Variants in IL34 observed in about 807,000 individuals in gnomAD.
The protein encoded by IL34 is interleukin-34.
Under a neutral mutation model 25.3 loss-of-function variants are expected in IL34, and 17 were observed. That is an observed-to-expected ratio of 0.67 (90% CI 0.46 to 1.01). The LOEUF (loss-of-function observed/expected upper bound fraction) is 1.01. Among genes scored for constraint, IL34 ranks in the 50% least tolerant of loss-of-function variants. IL34 has a pLI of 0.00. For missense variants in IL34, 368 were observed against 312.9 expected, an observed-to-expected ratio of 1.18 and a Z score of -1.33; for synonymous variants, 174 against 140.9, an observed-to-expected ratio of 1.23 and a Z score of -1.66.
At chr16:70,654,741 C>T (rs2052171381) in intron 2 of IL34, 70 bp downstream of exon 2, 4 of 1,513,500 alleles carry the variant, frequency 2.6e-6, no homozygotes, top group East Asian at 4.6e-5. Flanking sequence ...GGCCTCTGGA[C>T]ATTCAGAGCC....
chr16:70,646,578 G>A lies in IL34; in HGVS notation c.-370G>A, dbSNP rs912307520. On this transcript the variant is annotated 5_prime_UTR_variant, in exon 1 of 6. Coordinates refer to ENST00000288098, the MANE Select transcript of IL34 (RefSeq NM_001393494.1). ...GATTTCACACTGAGCAGCTGCAGTC[G>A]GAGAAATCAGAGAAAGCGTCACCCA... is the stretch of plus-strand genomic sequence containing the variant. 7 of 289,974 alleles carry A rather than the reference G, an allele frequency of 2.4e-5. No individual in the cohort carries two copies. Among genetic ancestry groups the A allele is most frequent in the East Asian group, 1.3e-4 (2 of 15,216 alleles). 18.0% of individuals were successfully genotyped at this position (289,974 alleles called of 1,614,324 possible).
intron 1 of IL34, among the ~76,000 whole-genome samples, chr16:70,610,427 G>A (rs2051074067): frequency 6.6e-6 from 1 of 152,194 alleles, no homozygotes; most frequent in Non-Finnish European, 1.5e-5. Context: ...CATGTGTCCA[G>A]TTCATTCACT....
chr16:70,642,519 A>C (rs1319733471), upstream of IL34, among the ~76,000 whole-genome samples: 1 of 151,880 alleles, frequency 6.6e-6, no homozygotes, highest in South Asian at 2.1e-4. Flanking sequence ...GCTTGTCTTG[A>C]ACTCCTTACC....
chr16:70,638,156 C>T (rs1466964881), intron 1 of IL34, among the ~76,000 whole-genome samples: 2 of 152,176 alleles, frequency 1.3e-5, no homozygotes, highest in Admixed American at 6.5e-5. Flanking sequence ...CTGCTTCCAA[C>T]CAGAGGGAGC....
At chr16:70,603,284 T>TTATTATTTTTGA (rs1392668590) in intron 1 of IL34, among the ~76,000 whole-genome samples, 1 of 151,002 alleles carries the variant, frequency 6.6e-6, no homozygotes, top group East Asian at 2.0e-4. Flanking sequence ...TTTTTATTTG[T>TTATTATTTTTGA]TATTATTTTT....
chr16:70,656,767 T>C (rs942517080), intron 3 of IL34, 88 bp downstream of exon 3: 1 of 941,942 alleles, frequency 1.1e-6, no homozygotes, highest in South Asian at 1.3e-5. Context: ...GACTGGCAGG[T>C]GGTGCTGCTG....
chr16:70,645,043 C>T (rs549565318), upstream of IL34, among the ~76,000 whole-genome samples: 79 of 112,610 alleles, frequency 7.0e-4, no homozygotes, highest in South Asian at 6.9e-3. Flanking sequence ...GGAAGGAGGA[C>T]GAGGAAGGAG....
At chr16:70,604,644 C>T (rs1399001664) in intron 1 of IL34, among the ~76,000 whole-genome samples, 1 of 152,210 alleles carries the variant, frequency 6.6e-6, no homozygotes, top group Non-Finnish European at 1.5e-5. Context: ...TGGTTCAGCC[C>T]AATCCCTGGC....
chr16:70,645,363 TGAA>T (rs1045802479), upstream of IL34, among the ~76,000 whole-genome samples: 2 of 152,092 alleles, frequency 1.3e-5, no homozygotes, highest in African/African-American at 4.8e-5. Context: ...GATCACACAA[TGAA>T]GAAGATGCCC....
upstream of IL34, among the ~76,000 whole-genome samples, chr16:70,642,983 T>C (rs1227213171): frequency 6.6e-6 from 1 of 152,232 alleles, no homozygotes; most frequent in Admixed American, 6.5e-5. Context: ...GAAAATGTTC[T>C]GTAATTAAAT....
chr16:70,611,529 C>T (rs554123103), intron 1 of IL34, among the ~76,000 whole-genome samples: 1 of 152,256 alleles, frequency 6.6e-6, no homozygotes, highest in Non-Finnish European at 1.5e-5. Flanking sequence ...TGGCTCACAC[C>T]TGTAATCCCA....
intron 1 of IL34, among the ~76,000 whole-genome samples, chr16:70,636,060 A>T (rs192167801): frequency 6.7e-6 from 1 of 148,644 alleles, no homozygotes; most frequent in Admixed American, 6.7e-5. Context: ...TTTATTTTTG[A>T]GACAGTCTCG....
intron 1 of IL34, among the ~76,000 whole-genome samples, chr16:70,614,860 G>C (rs2051149379): frequency 6.6e-6 from 1 of 152,190 alleles, no homozygotes; most frequent in Admixed American, 6.5e-5. Flanking sequence ...GATCTTGTAG[G>C]TCTTGCCCAA....
intron 1 of IL34, among the ~76,000 whole-genome samples, chr16:70,621,737 C>A (rs1192542298): frequency 2.0e-5 from 3 of 151,854 alleles, no homozygotes; most frequent in African/African-American, 4.8e-5. Flanking sequence ...AGGGTGGGGC[C>A]GTTTTATAGG....
Position 70,659,666 on chromosome 16 carries a change from G to A in IL34, c.451G>A (p.Ala151Thr), listed in dbSNP as rs201108464. The A allele has an allele frequency of 6.4e-5, 104 of 1,612,960 alleles. No individual in the cohort carries two copies. The highest frequency in any genetic ancestry group is 7.6e-5 in the Non-Finnish European group (90 of 1,179,562). ...KVESVLSLLN[A>T]PGPNLKLVRP... is the part of the protein sequence containing the mutation. ...GGAATCCGTGTTGTCCCTCTTGAAT[G>A]CCCCAGGGCCAAACCTGAAGCTGGT... is the stretch of plus-strand genomic sequence containing the variant. Residue 151 changes from alanine (A) to threonine (T), a missense_variant, in exon 5 of 6, where the codon GCC becomes ACC. Ala to Thr is a moderately conservative substitution (Grantham distance 58). Transcript: ENST00000288098.
chr16:70,634,025 A>T (rs890433946), intron 1 of IL34, among the ~76,000 whole-genome samples: 1 of 151,758 alleles, frequency 6.6e-6, no homozygotes, highest in Non-Finnish European at 1.5e-5. Context: ...TAATTTTTGT[A>T]TTTTTAGTAG....
intron 1 of IL34, among the ~76,000 whole-genome samples, chr16:70,607,480 C>T (rs954178060): frequency 6.6e-6 from 1 of 152,194 alleles, no homozygotes; most frequent in Admixed American, 6.5e-5. Context: ...ATGCATCCCT[C>T]CCCCTTTTTC....
intron 1 of IL34, among the ~76,000 whole-genome samples, chr16:70,637,694 A>G (rs2051687422): frequency 6.6e-6 from 1 of 152,178 alleles, no homozygotes; most frequent in Non-Finnish European, 1.5e-5. Context: ...TTAATTTTTT[A>G]TATACATATA....
At position 70,627,933 on chromosome 16, in the gene IL34, G is replaced by T. The variant is rs534605010; in HGVS notation, c.-400-18615G>T. Among the ~76,000 whole-genome samples the T allele has an allele frequency of 1.2e-4, 18 of 152,298 alleles. No individual in the cohort carries two copies. The South Asian group carries it at 3.7e-3, about 32-fold the overall frequency. ...ATGGCTTTTGGTGCCCATGTATACA[G>T]ATTTCTGTTGGATATTTACTTACGA... On this transcript the variant is annotated intron_variant, in intron 1 of 6. Coordinates refer to the IL34 transcript ENST00000429149.
Sources: gnomAD v4.1 joint callset for allele counts (sites outside exome capture counted in the v4.1 genomes callset) on GRCh38, gnomAD v4.1.1 for gene constraint, MANE v1.5 for transcripts, NCBI Gene and HGNC (gene_info 2026-07-23, HGNC 2026-07-21) for gene names.